PAPSS1: variants seen among roughly 807,000 people sequenced by gnomAD.
PAPSS1 encodes the protein 3'-phosphoadenosine 5'-phosphosulfate synthase 1, also known as bifunctional 3'-phosphoadenosine 5'-phosphosulfate synthase 1.
In PAPSS1, 50 loss-of-function variants were observed where a neutral mutation model predicts 72.0. The ratio of observed to expected loss-of-function variants is 0.69; its 90% CI spans 0.55 to 0.88. PAPSS1 has a LOEUF of 0.88. Among genes scored for constraint, PAPSS1 ranks in the 40% least tolerant of loss-of-function variants. PAPSS1 has a pLI of 0.00. For missense variants in PAPSS1, 657 were observed against 782.2 expected (o/e 0.84, Z 1.91); for synonymous variants, 261 against 263.6 (o/e 0.99, Z 0.09).
intron 5 of PAPSS1, among the ~76,000 whole-genome samples, chr4:107,678,982 A>G (rs897473284): frequency 6.6e-6 from 1 of 152,166 alleles, no homozygotes; most frequent in Non-Finnish European, 1.5e-5. Flanking sequence ...CTGCATTCAT[A>G]CAAACCAGGT....
At chr4:107,700,284 T>C (rs1723173834) in intron 2 of PAPSS1, among the ~76,000 whole-genome samples, 1 of 152,162 alleles carries the variant, frequency 6.6e-6, no homozygotes, top group South Asian at 2.1e-4. Context: ...AAAATTTTAG[T>C]GGGCAATGTG....
At chr4:107,656,133 G>A (rs1726999375) in intron 7 of PAPSS1, among the ~76,000 whole-genome samples, 1 of 151,854 alleles carries the variant, frequency 6.6e-6, no homozygotes, top group Non-Finnish European at 1.5e-5. Context: ...GTTTTTTTGA[G>A]ACAGAGTCTC....
In PAPSS1 at chr4:107,644,714, A is replaced by C. The variant is rs888062284; in HGVS notation, c.1506+88T>G. ...AATGTTTGGAACAGGCCTACAGAGC[A>C]CAGAAAAAGCAATCGGATGGTGACA... On this transcript the variant is annotated intron_variant, in intron 10 of 11. Coordinates refer to ENST00000265174, the MANE Select transcript of PAPSS1 (RefSeq NM_005443.5). The C allele has an allele frequency of 3.1e-6, 4 of 1,295,532 alleles. No homozygotes were observed. In the Admixed American group the frequency reaches 8.9e-5, roughly 29 times the overall value. 80.3% of individuals were successfully genotyped at this position (1,295,532 alleles called of 1,614,324 possible). A position where few individuals can be genotyped will look rare whatever the true frequency, so the allele number is the denominator to read the frequency against.
intron 4 of PAPSS1, among the ~76,000 whole-genome samples, chr4:107,683,648 G>GA (rs376368320): frequency 6.6e-6 from 1 of 151,980 alleles, no homozygotes; most frequent in Admixed American, 6.6e-5. Context: ...TAAATTGTGA[G>GA]AAAAAACATA....
intron 10 of PAPSS1, among the ~76,000 whole-genome samples, chr4:107,640,310 C>T (rs140465791): frequency 1.3e-5 from 2 of 152,254 alleles, no homozygotes; most frequent in East Asian, 3.9e-4. Context: ...AGGATTCAAG[C>T]CATAAAATCT....
At chr4:107,694,323 A>C in intron 2 of PAPSS1, 1 of 285,558 alleles carries the variant, frequency 3.5e-6, no homozygotes, top group South Asian at 5.4e-5. Context: ...TCACAGGATT[A>C]AATACATTCA....
chr4:107,630,816 T>C (rs6825013), intron 11 of PAPSS1, among the ~76,000 whole-genome samples: 36,420 of 152,058 alleles, frequency 0.24, 4,992 homozygotes, highest in Middle Eastern at 0.32. Flanking sequence ...TGCCTCTAGA[T>C]ACTCACCTAC....
rs1008637390 is a variant in PAPSS1 at position 107,694,920 on chromosome 4, A to G, written c.176-914T>C. ...TCTAATGTACCAATGCTCTTGAAAG[A>G]ATTCATGGTAGTACAGAAGGCTAAC... On this transcript the variant is annotated intron_variant, in intron 2 of 11. Coordinates refer to ENST00000265174, the MANE Select transcript of PAPSS1 (RefSeq NM_005443.5). Among the ~76,000 whole-genome samples the G allele has an allele frequency of 3.3e-5, 5 of 151,466 alleles. No individual in the cohort carries two copies. The East Asian group carries it at 9.7e-4, about 29-fold the overall frequency.
chr4:107,711,741 G>C (rs765627866), intron 1 of PAPSS1, among the ~76,000 whole-genome samples: 10 of 152,192 alleles, frequency 6.6e-5, no homozygotes, highest in Non-Finnish European at 1.3e-4. Context: ...AGAATACAAT[G>C]AAAAGAAATC....
chr4:107,615,474 C>A (rs961239629), intron 11 of PAPSS1, among the ~76,000 whole-genome samples: 1 of 152,040 alleles, frequency 6.6e-6, no homozygotes, highest in Non-Finnish European at 1.5e-5. Flanking sequence ...TGGAGGTATG[C>A]CAAGTATGTT....
At chr4:107,684,182 C>CAT (rs1481935803) in intron 4 of PAPSS1, among the ~76,000 whole-genome samples, 3 of 152,130 alleles carry the variant, frequency 2.0e-5, no homozygotes, top group Non-Finnish European at 4.4e-5. Context: ...GCACCAAATA[C>CAT]ATACCTTGCA....
intron 5 of PAPSS1, among the ~76,000 whole-genome samples, chr4:107,679,823 G>A (rs1727753200): frequency 6.6e-6 from 1 of 151,658 alleles, no homozygotes; most frequent in South Asian, 2.1e-4. Flanking sequence ...TTAAGTTAAA[G>A]GATCTAATGA....
At position 107,614,166 on chromosome 4, in the gene PAPSS1, C is replaced by T. The variant is rs552880862; in HGVS notation, c.*83G>A. The T allele has an allele frequency of 1.0e-4, 148 of 1,416,226 alleles. No homozygotes were observed. Among genetic ancestry groups the T allele is most frequent in the Non-Finnish European group, 1.4e-4 (144 of 1,029,804 alleles). 87.7% of individuals were successfully genotyped at this position (1,416,226 alleles called of 1,614,324 possible). A position where few individuals can be genotyped will look rare whatever the true frequency, so the allele number is the denominator to read the frequency against. ...TTTAGGAAGCATGTCCAGACAGACACCACAAAGAAATGCCAACAGAGACTA... is the reference window on the plus strand; with the variant it reads ...TTTAGGAAGCATGTCCAGACAGACATCACAAAGAAATGCCAACAGAGACTA... On this transcript the variant is annotated 3_prime_UTR_variant, in exon 12 of 12. Transcript: ENST00000265174.
rs1725751110 is a variant in PAPSS1 at position 107,613,772 on chromosome 4, T to C, written c.*477A>G. 1 of 152,224 alleles carries C rather than the reference T, an allele frequency of 6.6e-6. No individual in the cohort carries two copies. Among genetic ancestry groups the C allele is most frequent in the East Asian group, 1.9e-4 (1 of 5,192 alleles). 9.4% of individuals were successfully genotyped at this position (152,224 alleles called of 1,614,324 possible). On this transcript the variant is annotated 3_prime_UTR_variant, in exon 12 of 12. Transcript: ENST00000265174. Reference sequence around the variant, plus strand: ...ACAGCTGGAAAGACCAATAGCTGACTGGAAAGAAGAAAGGAAGCAGTTTCT... The same window carrying C: ...ACAGCTGGAAAGACCAATAGCTGACCGGAAAGAAGAAAGGAAGCAGTTTCT...
In PAPSS1 at chr4:107,614,204, T is replaced by C; in HGVS notation, c.*45A>G. ...CCAACAGAGACTATGTGGTCCCCTC[T>C]TGTTACTAGTAATGTGTCAAAGGTG... On this transcript the variant is annotated 3_prime_UTR_variant, in exon 12 of 12. Coordinates refer to ENST00000265174, the MANE Select transcript of PAPSS1 (RefSeq NM_005443.5). The C allele has an allele frequency of 3.8e-6, 6 of 1,582,624 alleles. No homozygotes were observed. The highest frequency in any genetic ancestry group is 5.2e-6 in the Non-Finnish European group (6 of 1,157,616).
chr4:107,701,432 G>C, intron 1 of PAPSS1, 147 bp from the exon 2 acceptor site: 2 of 553,204 alleles, frequency 3.6e-6, no homozygotes, highest in East Asian at 3.0e-5. Context: ...TAGAGTACTG[G>C]CATGGTGTTT....
chr4:107,677,716 G>T (rs1727692912), intron 5 of PAPSS1, among the ~76,000 whole-genome samples: 1 of 152,130 alleles, frequency 6.6e-6, no homozygotes, highest in Admixed American at 6.5e-5. Context: ...AAATCATGCT[G>T]CTATAAAGAC....
chr4:107,615,853 C>A (rs1699755232), intron 11 of PAPSS1, among the ~76,000 whole-genome samples: 1 of 152,126 alleles, frequency 6.6e-6, no homozygotes, highest in African/African-American at 2.4e-5. Flanking sequence ...AAGAAAGAGA[C>A]AGGAGATTCT....
chr4:107,655,359 A>C (rs1050156793), intron 7 of PAPSS1, among the ~76,000 whole-genome samples: 1 of 152,208 alleles, frequency 6.6e-6, no homozygotes, highest in Non-Finnish European at 1.5e-5. Context: ...TTTATGTGGC[A>C]AGTTGATTAA....
Sources: allele counts gnomAD v4.1 joint callset (sites outside exome capture counted in the v4.1 genomes callset), GRCh38; gene constraint gnomAD v4.1.1; transcripts MANE v1.5; gene names NCBI Gene and HGNC (gene_info 2026-07-23, HGNC 2026-07-21).